The following NADK variants were observed in gnomAD, a reference collection of about 807,000 sequenced individuals.
The protein encoded by NADK is NAD kinase.
A neutral mutation model predicts 49.8 loss-of-function variants in NADK; 22 were observed. The observed-to-expected ratio is 0.44, with a 90% CI of 0.32 to 0.63. NADK has a LOEUF of 0.63. Ranked by LOEUF, NADK falls within the 30% of genes least tolerant of loss-of-function variation. NADK has a pLI of 0.06. For missense variants in NADK, 438 were observed against 609.4 expected (o/e 0.72, Z 2.96); for synonymous variants, 268 against 253.7 (o/e 1.06, Z -0.54).
At chr1:1,766,959 C>T (rs1000388683) in intron 1 of NADK, among the ~76,000 whole-genome samples, 2 of 151,554 alleles carry the variant, frequency 1.3e-5, no homozygotes, top group African/African-American at 2.4e-5. Context: ...CTGTCGCCCA[C>T]GCTGGAGTGC....
chr1:1,754,033 A>C lies in NADK; in HGVS notation c.1101+18T>G. On this transcript the variant is annotated intron_variant, in intron 10 of 11. Coordinates refer to ENST00000341426, the MANE Select transcript of NADK (RefSeq NM_023018.5). The surrounding 1 kb of genome is among the most constrained non-coding windows in gnomAD (Gnocchi z 4.3). ...CAAATGACTCACAAACCGGAAAAGGAGTGTCGTTGGCTCTGACCTTCAGCT... is the reference window on the plus strand; with the variant it reads ...CAAATGACTCACAAACCGGAAAAGGCGTGTCGTTGGCTCTGACCTTCAGCT... The C allele has an allele frequency of 1.0e-5, 16 of 1,554,332 alleles. No individual in the cohort carries two copies. The highest frequency in any genetic ancestry group is 1.3e-5 in the Non-Finnish European group (15 of 1,150,534).
rs57063985 is a variant in NADK, at chr1:1,773,676, TTGTGTGTGTGTGTG to T, written c.-41+4599_-41+4612del. 1.3e-3 allele frequency among the ~76,000 whole-genome samples: 151 copies of T among 116,692 alleles called. 3 individuals are homozygous for T. Among genetic ancestry groups the T allele is most frequent in the South Asian group, 2.4e-3 (8 of 3,332 alleles). 76.6% of individuals were successfully genotyped at this position (116,692 alleles called of 152,430 possible). On this transcript the variant is annotated intron_variant, in intron 1 of 11. Coordinates refer to ENST00000341426, the MANE Select transcript of NADK (RefSeq NM_023018.5). The stretch of plus-strand genomic sequence containing the variant: ...TGCTACATTACCTAGAAGCTCTATT[TTGTGTGTGTGTGTG>T]TGTGTGTGTGTGTGTGTGTGTGTGT...
chr1:1,762,428 C>G (rs370427393), intron 2 of NADK, among the ~76,000 whole-genome samples: 1 of 152,220 alleles, frequency 6.6e-6, no homozygotes, highest in African/African-American at 2.4e-5. Flanking sequence ...GATTAAAATT[C>G]TAGCACAAAT....
intron 1 of NADK, among the ~76,000 whole-genome samples, chr1:1,776,572 G>A (rs1316666969): frequency 6.6e-6 from 1 of 152,008 alleles, no homozygotes. Context: ...TCAGGAGTTC[G>A]AGACAAGCCT....
rs1458827398 is a variant in NADK at position 1,754,012 on chromosome 1, T to C, written c.1101+39A>G. The C allele has an allele frequency of 1.3e-6, 2 of 1,537,888 alleles. No individual in the cohort carries two copies. The highest frequency in any genetic ancestry group is 1.7e-6 in the Non-Finnish European group (2 of 1,144,974). On this transcript the variant is annotated intron_variant, in intron 10 of 11. Transcript: ENST00000341426. The surrounding 1 kb of genome is among the most constrained non-coding windows in gnomAD (Gnocchi z 4.3). The stretch of plus-strand genomic sequence containing the variant: ...CGGCTTTGTGTTGCACGGGGTCAAA[T>C]GACTCACAAACCGGAAAAGGAGTGT...
chr1:1,771,369 G>C (rs374645631), intron 1 of NADK, among the ~76,000 whole-genome samples: 35 of 152,172 alleles, frequency 2.3e-4, no homozygotes, highest in African/African-American at 7.5e-4. Flanking sequence ...AGCCAAGCAG[G>C]CTTCTCTAAA....
intron 2 of NADK, among the ~76,000 whole-genome samples, chr1:1,763,122 G>A (rs1011395727): frequency 2.0e-5 from 3 of 152,276 alleles, no homozygotes; most frequent in Admixed American, 2.0e-4. Context: ...TGCCCTGAGG[G>A]CTGCTCCACA....
chr1:1,766,880 G>C (rs1268299913), intron 1 of NADK, among the ~76,000 whole-genome samples: 1 of 151,376 alleles, frequency 6.6e-6, no homozygotes, highest in Non-Finnish European at 1.5e-5. Context: ...ACAGTGCTAG[G>C]ATTATAGGCA....
intron 3 of NADK, 75 bp from the exon 4 acceptor site, chr1:1,757,385 A>G (rs78174042): frequency 4.7e-6 from 3 of 633,990 alleles, no homozygotes; most frequent in Non-Finnish European, 6.8e-6. Flanking sequence ...CTTAGAAAAT[A>G]AAAAAAAAAA....
At chr1:1,761,527 A>G (rs1181786888) in intron 3 of NADK, 1 of 182,216 alleles carries the variant, frequency 5.5e-6, no homozygotes, top group Non-Finnish European at 1.2e-5. Flanking sequence ...TGTGTTGACA[A>G]ACTGAACCAT....
At chr1:1,771,166 A>G (rs1000846572) in intron 1 of NADK, among the ~76,000 whole-genome samples, 8 of 150,446 alleles carry the variant, frequency 5.3e-5, no homozygotes, top group Admixed American at 3.3e-4. Context: ...AAAATATAAA[A>G]TATGTGGGGA....
rs202068194 is a variant in NADK at position 1,757,346 on chromosome 1, G to A, written c.264-36C>T. The A allele has an allele frequency of 1.7e-3, 2,591 of 1,541,362 alleles. 3 individuals carry two copies. The highest frequency in any genetic ancestry group is 2.2e-3 in the Non-Finnish European group (2,432 of 1,119,972). ...GGAGAAAAGAGTTCACACCAGCTGC[G>A]ATCTCCCTCTTGCGGAAAAGGTGTA... is the stretch of plus-strand genomic sequence containing the variant. On this transcript the variant is annotated intron_variant, in intron 3 of 11. Transcript: ENST00000341426.
intron 3 of NADK, chr1:1,758,973 G>T: frequency 1.6e-6 from 2 of 1,241,964 alleles, no homozygotes; most frequent in Non-Finnish European, 2.2e-6. Flanking sequence ...CTAGCCCGCT[G>T]CGTCACTCTG....
intron 4 of NADK, 125 bp from the exon 5 acceptor site, chr1:1,756,733 G>A (rs1645535880): frequency 5.9e-6 from 9 of 1,534,510 alleles, no homozygotes; most frequent in East Asian, 4.6e-5. Context: ...GCCCCCCCAC[G>A]CTCACGCTGA....
chr1:1,775,457 C>A (rs1646185131), intron 1 of NADK, among the ~76,000 whole-genome samples: 1 of 152,228 alleles, frequency 6.6e-6, no homozygotes, highest in Non-Finnish European at 1.5e-5. Flanking sequence ...GTAAATAATG[C>A]CCAGTGCTGG....
At chr1:1,758,506 G>A (rs754258786) in intron 3 of NADK, 16 of 1,610,396 alleles carry the variant, frequency 9.9e-6, no homozygotes, top group South Asian at 4.4e-5. Context: ...TCCAGGCCAC[G>A]CTTGGCGAAC....
At chr1:1,757,443 A>G (rs1645566900) in intron 3 of NADK, 133 bp from the exon 4 acceptor site, 5 of 771,336 alleles carry the variant, frequency 6.5e-6, no homozygotes, top group Non-Finnish European at 1.0e-5. Context: ...CTCGGTGGCC[A>G]CGGGCTCACA....
chr1:1,761,817 TTCC>T, intron 3 of NADK, 132 bp downstream of exon 3: 1 of 755,866 alleles, frequency 1.3e-6, no homozygotes, highest in South Asian at 1.6e-5. Context: ...TGCTAGAATC[TTCC>T]TCAACACAGC....
rs575028119 is a variant in NADK at position 1,754,223 on chromosome 1, C to T, written c.944-15G>A. On this transcript the variant is annotated splice_polypyrimidine_tract_variant and intron_variant, in intron 9 of 11. Transcript: ENST00000341426. The surrounding 1 kb of genome is among the most constrained non-coding windows in gnomAD (Gnocchi z 4.3). ...CACGATCACTCCTGACAGGGACAGG[C>T]GCAGGCGTCACTCCCGCCCGAGGGA... 1.5e-5 allele frequency: 24 copies of T among 1,612,934 alleles called. No individual in the cohort carries two copies. Among genetic ancestry groups the T allele is most frequent in the East Asian group, 4.5e-5 (2 of 44,866 alleles).
Sources: gnomAD v4.1 joint callset for allele counts (sites outside exome capture counted in the v4.1 genomes callset) on GRCh38, gnomAD v4.1.1 for gene constraint, Gnocchi (gnomAD v3.1) non-coding constraint, MANE v1.5 for transcripts, NCBI Gene and HGNC (gene_info 2026-07-23, HGNC 2026-07-21) for gene names.